Variants in MYO18B observed in about 807,000 individuals in gnomAD.
The protein encoded by MYO18B is myosin XVIIIB, also known as unconventional myosin-XVIIIb.
In MYO18B, 204 loss-of-function variants were observed where a neutral mutation model predicts 273.0. That is an observed-to-expected ratio of 0.75 (90% CI 0.67 to 0.84). The LOEUF (loss-of-function observed/expected upper bound fraction) is 0.84, where lower values mean the gene tolerates loss of function less well. MYO18B is among the 40% of genes least tolerant of loss of function. The pLI is 0.00. For missense variants in MYO18B, 3,212 were observed against 3,287.6 expected, an observed-to-expected ratio of 0.98 and a Z score of 0.56; for synonymous variants, 1,330 against 1,305.7, an observed-to-expected ratio of 1.02 and a Z score of -0.40.
intron 17 of MYO18B, among the ~76,000 whole-genome samples, chr22:25,840,039 C>T (rs1027458048): frequency 6.6e-6 from 1 of 152,198 alleles, no homozygotes; most frequent in Non-Finnish European, 1.5e-5. Context: ...GTCCCCCTGG[C>T]AGCCTCGCTA....
chr22:25,881,485 T>C (rs189204738), intron 25 of MYO18B, among the ~76,000 whole-genome samples: 4 of 152,150 alleles, frequency 2.6e-5, no homozygotes, highest in East Asian at 1.9e-4. Context: ...AAGTGAAAAA[T>C]TGGAGAGCTG....
At chr22:25,936,515 A>G (rs1005468477) in intron 34 of MYO18B, among the ~76,000 whole-genome samples, 1 of 152,216 alleles carries the variant, frequency 6.6e-6, no homozygotes, top group Non-Finnish European at 1.5e-5. Flanking sequence ...GCTGTGTGAC[A>G]TTGATGAGTT....
rs558934507 is a variant in MYO18B, at chr22:25,777,561, G to A, written c.1870-22G>A. On this transcript the variant is annotated intron_variant, in intron 7 of 43. Coordinates refer to ENST00000335473, the MANE Select transcript of MYO18B (RefSeq NM_032608.7). The stretch of plus-strand genomic sequence containing the variant: ...TAGGCAGTGGCTGGATGGGATGGCT[G>A]ATACCTGTGATCTTCCTGCAGGTGC... 1.4e-4 allele frequency: 221 copies of A among 1,564,954 alleles called. No individual in the cohort carries two copies. The South Asian group carries it at 1.9e-3, about 13-fold the overall frequency.
intron 42 of MYO18B, among the ~76,000 whole-genome samples, chr22:26,016,378 G>GCCCACA (rs1245797933): frequency 1.3e-5 from 2 of 150,270 alleles, no homozygotes; most frequent in Non-Finnish European, 3.0e-5. Context: ...ACCAGATGAG[G>GCCCACA]CCCACACCTC....
chr22:26,016,373 A>G (rs537206447), intron 42 of MYO18B, among the ~76,000 whole-genome samples: 3 of 150,316 alleles, frequency 2.0e-5, no homozygotes, highest in African/African-American at 7.3e-5. Context: ...TTCAAACCAG[A>G]TGAGGCCCAC....
At position 26,030,869 on chromosome 22, in the gene MYO18B, G is replaced by A. The variant is rs1936637401; in HGVS notation, c.*439G>A. The stretch of plus-strand genomic sequence containing the variant: ...GAAGTCTTTCCTGATATATCAAACT[G>A]AAACAAATGCTCCTCCTCCATGCTC... On this transcript the variant is annotated 3_prime_UTR_variant, in exon 44 of 44. Transcript: ENST00000335473. The A allele has an allele frequency of 2.5e-6, 1 of 398,296 alleles. No homozygotes were observed. The allele number at this position is 398,296 out of a possible 1,614,324, so 24.7% of individuals were successfully genotyped here.
chr22:25,908,527 G>A lies in MYO18B; in HGVS notation c.5259+95G>A. ...GAGCGAGGAGTAGGACAGGGTCTGG[G>A]ATCTGGGGACAAGCTCTTTCTGCAA... On this transcript the variant is annotated intron_variant, in intron 32 of 43. Transcript: ENST00000335473. The A allele has an allele frequency of 6.8e-6, 7 of 1,032,356 alleles. No individual in the cohort carries two copies. In the South Asian group the frequency reaches 1.0e-4, roughly 15 times the overall value. 63.9% of individuals were successfully genotyped at this position (1,032,356 alleles called of 1,614,324 possible).
chr22:25,826,508 G>T lies in MYO18B; in HGVS notation c.2786+9G>T, dbSNP rs1201900197. 11 of 1,611,432 alleles carry T rather than the reference G, an allele frequency of 6.8e-6. No individual in the cohort carries two copies. The highest frequency in any genetic ancestry group is 2.2e-5 in the East Asian group (1 of 44,864). The stretch of plus-strand genomic sequence containing the variant: ...GTCTCACTCATCAACAGGTAACGGG[G>T]CCTTTTCCTAGGCACACAGTTGGCC... On this transcript the variant is annotated intron_variant, in intron 14 of 43. Coordinates refer to ENST00000335473, the MANE Select transcript of MYO18B (RefSeq NM_032608.7).
chr22:25,841,997 C>T (rs1357548166), intron 17 of MYO18B, among the ~76,000 whole-genome samples: 2 of 152,214 alleles, frequency 1.3e-5, no homozygotes, highest in Non-Finnish European at 2.9e-5. Context: ...CGTCACAGGA[C>T]ACTCTTGAAA....
chr22:25,777,585 G>C lies in MYO18B; in HGVS notation c.1872G>C (p.Val624=). 1.9e-6 allele frequency: 3 copies of C among 1,585,188 alleles called. No homozygotes were observed. Among genetic ancestry groups the C allele is most frequent in the Non-Finnish European group, 2.6e-6 (3 of 1,166,530 alleles). Residue 624 remains valine, a splice_region_variant and synonymous_variant, in exon 8 of 44, where the codon GTG becomes GTC. Transcript: ENST00000335473. ...RGPSVPSAGK[V]PKGRRDGLPA... is the part of the protein sequence containing the mutation. ...TGATACCTGTGATCTTCCTGCAGGTGCCCAAGGGCCGCCGGGATGGCCTGC... is the reference window on the plus strand; with the variant it reads ...TGATACCTGTGATCTTCCTGCAGGTCCCCAAGGGCCGCCGGGATGGCCTGC...
Position 25,921,383 on chromosome 22 carries a change from G to A in MYO18B, c.5491G>A (p.Glu1831Lys). The A allele has an allele frequency of 1.9e-6, 3 of 1,600,760 alleles. No individual in the cohort carries two copies. Among genetic ancestry groups the A allele is most frequent in the Non-Finnish European group, 2.6e-6 (3 of 1,173,834 alleles). ...GGATGGCAAGACATCAGTCAGCAAGGAGGAGCTGGAGAAAGTGCACAGCCA... is the reference window on the plus strand; with the variant it reads ...GGATGGCAAGACATCAGTCAGCAAGAAGGAGCTGGAGAAAGTGCACAGCCA... ...MEDGKTSVSK[E>K]ELEKVHSQLE... Residue 1831 changes from glutamate to lysine, a missense_variant, in exon 34 of 44, where the codon GAG (glutamate) becomes AAG (lysine). Physicochemically the swap from Glu to Lys is moderately conservative, Grantham distance 56. Transcript: ENST00000335473.
intron 34 of MYO18B, 51 bp downstream of exon 34, chr22:25,921,460 C>T: frequency 6.4e-7 from 1 of 1,562,110 alleles, no homozygotes. Context: ...GATGCTACGA[C>T]CTGCAGAGAA....
At chr22:25,773,601 C>A (rs1234111537) in intron 7 of MYO18B, among the ~76,000 whole-genome samples, 1 of 152,120 alleles carries the variant, frequency 6.6e-6, no homozygotes, top group Non-Finnish European at 1.5e-5. Flanking sequence ...GTAGCTGGGA[C>A]TACAGGCACC....
At chr22:25,884,774 A>ACT (rs944148260) in intron 25 of MYO18B, 31 of 152,272 alleles carry the variant, frequency 2.0e-4, no homozygotes, top group African/African-American at 7.2e-4. Flanking sequence ...CAGATGGCTG[A>ACT]CTCTGTACCT....
intron 39 of MYO18B, chr22:25,965,147 T>C (rs941005681): frequency 3.9e-5 from 6 of 152,398 alleles, no homozygotes; most frequent in Admixed American, 3.3e-4. Flanking sequence ...CAACCACTTA[T>C]GGCTCTACTT....
chr22:25,876,213 A>G lies in MYO18B; in HGVS notation c.4105A>G (p.Ile1369Val), dbSNP rs1488237316. 11 of 1,613,174 alleles carry G rather than the reference A, an allele frequency of 6.8e-6. No individual in the cohort carries two copies. The highest frequency in any genetic ancestry group is 8.5e-7 in the Non-Finnish European group (1 of 1,179,626). Residue 1369 changes from isoleucine (I) to valine (V), a missense_variant, in exon 24 of 44, where the codon ATC becomes GTC. Coordinates refer to ENST00000335473, the MANE Select transcript of MYO18B (RefSeq NM_032608.7). The stretch of plus-strand genomic sequence containing the variant: ...GATTCGCCGACTGGCTGCACAGTGC[A>G]TCCAGAAGAATGTGGCTGTGTTCCT... ...LKIRRLAAQC[I>V]QKNVAVFLAV...
chr22:25,850,188 G>C (rs552803408), intron 20 of MYO18B, among the ~76,000 whole-genome samples: 17 of 152,300 alleles, frequency 1.1e-4, no homozygotes, highest in African/African-American at 4.1e-4. Context: ...CTGGCTTATT[G>C]TGAAGTCTCA....
chr22:25,903,652 C>G lies in MYO18B; in HGVS notation c.4969C>G (p.Gln1657Glu). 6.2e-7 allele frequency: 1 copy of G among 1,607,600 alleles called. No homozygotes were observed. Among genetic ancestry groups the G allele is most frequent in the South Asian group, 1.1e-5 (1 of 89,462 alleles). ...GTAGCAAAAGGAGCAGGAAGCCTCA[C>G]AGCTGAAGCAGCAGGTGGAGATGCT... ...QLKQKEQEAS[Q>E]LKQQVEMLQD... The change falls in exon 31 of 44, where the codon CAG becomes GAG. Residue 1657 changes from glutamine to glutamate, a missense_variant. Physicochemically the swap from Gln to Glu is conservative, Grantham distance 29 (BLOSUM62 2). Coordinates refer to ENST00000335473, the MANE Select transcript of MYO18B (RefSeq NM_032608.7).
chr22:26,030,231 G>A (rs568860221), intron 43 of MYO18B, among the ~76,000 whole-genome samples: 2 of 152,278 alleles, frequency 1.3e-5, no homozygotes, highest in African/African-American at 4.8e-5. Context: ...TAAAAAATTA[G>A]CTGGGTGTAG....
Sources: allele counts gnomAD v4.1 joint callset (sites outside exome capture counted in the v4.1 genomes callset), GRCh38; gene constraint gnomAD v4.1.1; transcripts MANE v1.5; gene names NCBI Gene and HGNC (gene_info 2026-07-23, HGNC 2026-07-21).